UGP2: variants seen among roughly 807,000 people sequenced by gnomAD.
UGP2 encodes the protein UTP--glucose-1-phosphate uridylyltransferase.
A neutral mutation model predicts 49.0 loss-of-function variants in UGP2; 40 were observed. The observed-to-expected ratio is 0.82, with a 90% CI of 0.63 to 1.06. The LOEUF (loss-of-function observed/expected upper bound fraction) is 1.06. Ranked by LOEUF, UGP2 falls within the 50% of genes least tolerant of loss-of-function variation. The pLI is 0.00. For missense variants in UGP2, 460 were observed against 603.5 expected, an observed-to-expected ratio of 0.76 and a Z score of 2.49; for synonymous variants, 225 against 213.0, an observed-to-expected ratio of 1.06 and a Z score of -0.49.
In UGP2 at chr2:63,866,261, C is replaced by T. The variant is rs529821091; in HGVS notation, c.255+8325C>T. Reference sequence around the variant, plus strand: ...ACACACAGCTCTGGGTCAACAGATTCGTGCTATAAATAAGGAAAAGACCCT... The same window carrying T: ...ACACACAGCTCTGGGTCAACAGATTTGTGCTATAAATAAGGAAAAGACCCT... On this transcript the variant is annotated intron_variant, in intron 3 of 9. Transcript: ENST00000337130. 1.2e-4 allele frequency among the ~76,000 whole-genome samples: 19 copies of T among 152,240 alleles called. No individual in the cohort carries two copies. The East Asian group carries it at 2.1e-3, about 17-fold the overall frequency.
At chr2:63,859,167 A>T (rs1046917231) in intron 3 of UGP2, 1 of 150,590 alleles carries the variant, frequency 6.6e-6, no homozygotes, top group African/African-American at 2.4e-5. Flanking sequence ...TAATTTTTGT[A>T]TTTTTTTTGT....
chr2:63,858,655 G>A (rs1462710848), intron 3 of UGP2, among the ~76,000 whole-genome samples: 1 of 151,580 alleles, frequency 6.6e-6, no homozygotes, highest in Non-Finnish European at 1.5e-5. Context: ...TTTTTTTAGG[G>A]TCTATTTTGG....
chr2:63,887,622 A>C lies in UGP2; in HGVS notation c.1292A>C (p.Lys431Thr), dbSNP rs1474939050. 1 of 1,614,120 alleles carries C rather than the reference A, an allele frequency of 6.2e-7. No homozygotes were observed. Among genetic ancestry groups the C allele is most frequent in the Non-Finnish European group, 8.5e-7 (1 of 1,179,996 alleles). ...GAATTTCCTACAGTGCCCTTGGTTA[A>C]ATTAGGCAGTTCTTTTACGAAGGTA... ...KREFPTVPLV[K>T]LGSSFTKVQD... Residue 431 changes from lysine to threonine, a missense_variant, in exon 8 of 10, where the codon AAA becomes ACA. Around this residue, in one of 2 missense-constraint regions of UGP2, gnomAD observed 317 missense variants for 473.0 expected, o/e 0.67. Transcript: ENST00000337130.
intron 3 of UGP2, among the ~76,000 whole-genome samples, chr2:63,868,620 G>A (rs1670333187): frequency 6.6e-6 from 1 of 152,056 alleles, no homozygotes; most frequent in African/African-American, 2.4e-5. Flanking sequence ...TTCTTCAGAG[G>A]ATATGCACTT....
At chr2:63,845,091 T>G (rs1671840999) in intron 1 of UGP2, among the ~76,000 whole-genome samples, 1 of 152,242 alleles carries the variant, frequency 6.6e-6, no homozygotes, top group African/African-American at 2.4e-5. Context: ...CTTAGCATTT[T>G]CCATCTACTA....
At chr2:63,887,311 T>C (rs1384457730) in intron 7 of UGP2, 91 bp from the exon 8 acceptor site, 38 of 1,493,734 alleles carry the variant, frequency 2.5e-5, no homozygotes, top group Non-Finnish European at 2.3e-5. Flanking sequence ...ATCTCTGAAA[T>C]CACTTCCCAA....
intron 3 of UGP2, among the ~76,000 whole-genome samples, chr2:63,858,657 C>A (rs1442098138): frequency 6.6e-6 from 1 of 151,636 alleles, no homozygotes; most frequent in Non-Finnish European, 1.5e-5. Flanking sequence ...TTTTTAGGGT[C>A]TATTTTGGTC....
upstream of UGP2, among the ~76,000 whole-genome samples, chr2:63,841,503 C>A (rs185147551): frequency 1.3e-5 from 2 of 152,124 alleles, no homozygotes; most frequent in South Asian, 2.1e-4. Flanking sequence ...CGGCCCCTAC[C>A]GAGAAAAAGC....
intron 3 of UGP2, among the ~76,000 whole-genome samples, chr2:63,858,973 G>A (rs6546034): frequency 0.97 from 144,789 of 149,180 alleles, 70,287 homozygotes; most frequent in East Asian, 1. Context: ...GGACCTGGGT[G>A]TAGAAGTGTA....
At chr2:63,856,064 G>T in intron 1 of UGP2, 1 of 370,912 alleles carries the variant, frequency 2.7e-6, no homozygotes, top group Non-Finnish European at 4.9e-6. Context: ...GTCGATACAG[G>T]GAAGTAGAGG....
At chr2:63,862,779 A>G (rs910000184) in intron 3 of UGP2, 10 of 455,778 alleles carry the variant, frequency 2.2e-5, no homozygotes, top group African/African-American at 2.0e-4. Flanking sequence ...TTTCCACCCC[A>G]CAGAGAAAGT....
At chr2:63,853,139 C>T (rs753985864) in intron 1 of UGP2, among the ~76,000 whole-genome samples, 3 of 152,010 alleles carry the variant, frequency 2.0e-5, no homozygotes, top group African/African-American at 7.2e-5. Flanking sequence ...GTTAGGGAAA[C>T]TGAGGTGTGG....
intron 3 of UGP2, among the ~76,000 whole-genome samples, chr2:63,858,869 T>C (rs1420685172): frequency 6.7e-6 from 1 of 150,198 alleles, no homozygotes; most frequent in Non-Finnish European, 1.5e-5. Context: ...TTAGGCACTA[T>C]TTATTCCCAC....
At chr2:63,879,406 A>G (rs575479679) in intron 3 of UGP2, among the ~76,000 whole-genome samples, 23 of 152,328 alleles carry the variant, frequency 1.5e-4, no homozygotes, top group African/African-American at 5.5e-4. Context: ...TAAAATATTG[A>G]TGTTACATGA....
chr2:63,880,362 C>T (rs528778559), intron 3 of UGP2, among the ~76,000 whole-genome samples: 83 of 152,028 alleles, frequency 5.5e-4, no homozygotes, highest in African/African-American at 1.8e-3. Context: ...TTTGTAGGGT[C>T]GGGGTTTCAC....
chr2:63,860,136 T>A (rs4671073), intron 3 of UGP2, among the ~76,000 whole-genome samples: 125,334 of 151,736 alleles, frequency 0.83, 51,884 homozygotes, highest in East Asian at 0.91. Flanking sequence ...GGTCTTTTTT[T>A]AAAAAAAATG....
At position 63,887,440 on chromosome 2, in the gene UGP2, T is replaced by C. The variant is rs200365333; in HGVS notation, c.1110T>C (p.Thr370=). The change falls in exon 8 of 10, where the codon ACT becomes ACC. Residue 370 remains threonine (T), a synonymous_variant. Coordinates refer to ENST00000337130, the MANE Select transcript of UGP2 (RefSeq NM_006759.4). ...DGGLNVIQLE[T]AVGAAIKSFE... The stretch of plus-strand genomic sequence containing the variant: ...GCCTGAATGTCATTCAATTAGAAAC[T>C]GCAGTAGGGGCTGCCATCAAAAGTT... The C allele has an allele frequency of 4.2e-5, 67 of 1,614,086 alleles. 2 individuals carry two copies. The African/African-American group carries it at 8.0e-4, about 19-fold the overall frequency.
At chr2:63,853,470 A>G (rs190998366) in intron 1 of UGP2, among the ~76,000 whole-genome samples, 2 of 152,248 alleles carry the variant, frequency 1.3e-5, no homozygotes, top group Admixed American at 1.3e-4. Flanking sequence ...TTTAAGATTA[A>G]GTGCGCTCTC....
intron 1 of UGP2, chr2:63,854,943 C>T (rs1553461629): frequency 6.6e-6 from 1 of 152,434 alleles, no homozygotes; most frequent in Non-Finnish European, 1.5e-5. Flanking sequence ...AAATGTGAGT[C>T]TTTCAGCCAG....
Sources: allele counts gnomAD v4.1 joint callset (sites outside exome capture counted in the v4.1 genomes callset), GRCh38; gene constraint gnomAD v4.1.1; regional missense constraint gnomAD v4.1.1; transcripts MANE v1.5; gene names NCBI Gene and HGNC (gene_info 2026-07-23, HGNC 2026-07-21).